EYA4: variants seen among roughly 807,000 people sequenced by gnomAD.
The protein encoded by EYA4 is protein phosphatase EYA4.
Under a neutral mutation model 87.9 loss-of-function variants are expected in EYA4, and 31 were observed. That is an observed-to-expected ratio of 0.35 (90% CI 0.27 to 0.48). The LOEUF (loss-of-function observed/expected upper bound fraction) is 0.48, where lower values mean the gene tolerates loss of function less well. Ranked by LOEUF, EYA4 falls within the 20% of genes least tolerant of loss-of-function variation. EYA4 has a pLI of 0.99. For synonymous variants in EYA4, 263 were observed against 270.6 expected, an observed-to-expected ratio of 0.97 and a Z score of 0.28; for missense variants, 678 against 761.4, an observed-to-expected ratio of 0.89 and a Z score of 1.29.
At chr6:133,390,708 C>T (rs1787186190) in intron 3 of EYA4, among the ~76,000 whole-genome samples, 1 of 152,202 alleles carries the variant, frequency 6.6e-6, no homozygotes, top group African/African-American at 2.4e-5. Flanking sequence ...CTACATGTAT[C>T]ATAGAGTAAA....
At position 133,512,723 on chromosome 6, in the gene EYA4, G is replaced by C. The variant is rs773085937; in HGVS notation, c.1284G>C (p.Glu428Asp). 1 of 1,609,810 alleles carries C rather than the reference G, an allele frequency of 6.2e-7. No individual in the cohort carries two copies. Among genetic ancestry groups the C allele is most frequent in the Non-Finnish European group, 8.5e-7 (1 of 1,176,088 alleles). ...AACTTTTCCAATGTTTTTAACAGGA[G>C]TGTGATCAAGTTCATATAGATGATG... is the stretch of plus-strand genomic sequence containing the variant. ...DTHLFFNDLE[E>D]CDQVHIDDVS... The change falls in exon 15 of 20, where the codon GAG becomes GAC. Residue 428 changes from glutamate to aspartate, a missense_variant and splice_region_variant. Glu to Asp is a conservative substitution (Grantham distance 45, BLOSUM62 2). Coordinates refer to ENST00000355286, the MANE Select transcript of EYA4 (RefSeq NM_004100.5).
chr6:133,384,051 A>T (rs535214123), intron 3 of EYA4, among the ~76,000 whole-genome samples: 112 of 152,348 alleles, frequency 7.4e-4, no homozygotes, highest in African/African-American at 2.6e-3. Flanking sequence ...AATCATCCTT[A>T]TTATTAATAT....
At chr6:133,369,361 C>T (rs1401225140) in intron 2 of EYA4, among the ~76,000 whole-genome samples, 1 of 151,624 alleles carries the variant, frequency 6.6e-6, no homozygotes, top group Admixed American at 6.6e-5. Context: ...TTAATATATC[C>T]CTCTCTTTCG....
intron 1 of EYA4, among the ~76,000 whole-genome samples, chr6:133,252,045 G>A (rs1184637070): frequency 1.3e-5 from 2 of 152,188 alleles, no homozygotes; most frequent in East Asian, 1.9e-4. Context: ...ATATGAGTGG[G>A]AGTAACAGAA....
chr6:133,455,275 C>G (rs760824726), intron 5 of EYA4, among the ~76,000 whole-genome samples: 8 of 152,130 alleles, frequency 5.3e-5, no homozygotes, highest in Non-Finnish European at 1.5e-5. Flanking sequence ...AATAATTAGA[C>G]TACTCTTCAG....
At chr6:133,396,749 A>G (rs1285695021) in intron 3 of EYA4, among the ~76,000 whole-genome samples, 1 of 152,114 alleles carries the variant, frequency 6.6e-6, no homozygotes, top group Non-Finnish European at 1.5e-5. Flanking sequence ...TGCATGCAAC[A>G]TGACTGGAAG....
intron 3 of EYA4, among the ~76,000 whole-genome samples, chr6:133,426,907 T>C (rs1562406903): frequency 1.3e-5 from 2 of 152,352 alleles, no homozygotes; most frequent in South Asian, 2.1e-4. Context: ...TTCTGAACTA[T>C]AGCAATTTGC....
chr6:133,431,916 C>G (rs1022331561), intron 3 of EYA4, among the ~76,000 whole-genome samples: 17 of 150,440 alleles, frequency 1.1e-4, no homozygotes, highest in African/African-American at 4.2e-4. Context: ...GTAAAGATAA[C>G]ACATGAGCCC....
intron 7 of EYA4, 34 bp from the exon 8 acceptor site, chr6:133,462,301 G>T (rs779918354): frequency 1.4e-5 from 23 of 1,612,350 alleles, no homozygotes; most frequent in African/African-American, 4.0e-5. Context: ...CACAGTCTTT[G>T]TTGCCACAGT....
Position 133,506,199 on chromosome 6 carries a change from A to C in EYA4, c.1281+4A>C, listed in dbSNP as rs1798604893. On this transcript the variant is annotated splice_donor_region_variant and intron_variant, in intron 14 of 19. Coordinates refer to ENST00000355286, the MANE Select transcript of EYA4 (RefSeq NM_004100.5). Reference sequence around the variant, plus strand: ...TTTGTTTTTTAATGATTTAGAGGTAAGAATTTTACAAGGTACAAATAGTTG... The same window carrying C: ...TTTGTTTTTTAATGATTTAGAGGTACGAATTTTACAAGGTACAAATAGTTG... 1 of 1,520,904 alleles carries C rather than the reference A, an allele frequency of 6.6e-7. No individual in the cohort carries two copies. Among genetic ancestry groups the C allele is most frequent in the African/African-American group, 1.4e-5 (1 of 73,178 alleles). The allele number at this position is 1,520,904 out of a possible 1,614,324, so 94.2% of individuals were successfully genotyped here. A position where few individuals can be genotyped will look rare whatever the true frequency, so the allele number is the denominator to read the frequency against.
At position 133,274,716 on chromosome 6, in the gene EYA4, A is replaced by G; in HGVS notation, c.-65A>G. 8 of 1,319,578 alleles carry G rather than the reference A, an allele frequency of 6.1e-6. No individual in the cohort carries two copies. The highest frequency in any genetic ancestry group is 1.4e-5 in the African/African-American group (1 of 69,194). The allele number at this position is 1,319,578 out of a possible 1,614,324, so 81.7% of individuals were successfully genotyped here. On this transcript the variant is annotated splice_region_variant and 5_prime_UTR_variant, in exon 2 of 20. Transcript: ENST00000355286. Reference sequence around the variant, plus strand: ...CTTTGTTTCCATCTTCTTGTTTTAGATAGTCATTTTTACTTGAAGGAAGCT... The same window carrying G: ...CTTTGTTTCCATCTTCTTGTTTTAGGTAGTCATTTTTACTTGAAGGAAGCT...
intron 2 of EYA4, among the ~76,000 whole-genome samples, chr6:133,381,150 A>G (rs933612678): frequency 8.1e-5 from 12 of 147,824 alleles, no homozygotes; most frequent in Non-Finnish European, 1.8e-4. Context: ...ACATTACATA[A>G]TAAAACAGGA....
At chr6:133,293,489 G>A (rs1349638830) in intron 2 of EYA4, among the ~76,000 whole-genome samples, 1 of 152,182 alleles carries the variant, frequency 6.6e-6, no homozygotes, top group East Asian at 1.9e-4. Context: ...AGGCAACATA[G>A]TATTTTAGGA....
chr6:133,409,780 A>G (rs943328767), intron 3 of EYA4, among the ~76,000 whole-genome samples: 4 of 152,192 alleles, frequency 2.6e-5, no homozygotes, highest in Admixed American at 2.0e-4. Context: ...TGTGAAGATT[A>G]TAGTCAATAA....
At chr6:133,376,534 C>T (rs572774583) in intron 2 of EYA4, among the ~76,000 whole-genome samples, 2 of 151,950 alleles carry the variant, frequency 1.3e-5, no homozygotes, top group South Asian at 4.1e-4. Flanking sequence ...GTAATCAGAA[C>T]TATTCACTAG....
chr6:133,515,200 C>A, intron 16 of EYA4, 121 bp from the exon 17 acceptor site: 1 of 721,576 alleles, frequency 1.4e-6, no homozygotes, highest in Non-Finnish European at 2.6e-6. Flanking sequence ...ATCTGTATCT[C>A]TCTGCATTTC....
rs397516879 is a variant in EYA4, at chr6:133,464,798, A to G, written c.744A>G (p.Ser248=). ...YQMPGSSFAP[S]STIYANNSVS... is the part of the protein sequence containing the mutation. Reference sequence around the variant, plus strand: ...CTCTAGGTTCTAGTTTTGCACCATCATCTACTATTTATGCAAATAATTCAG... The same window carrying G: ...CTCTAGGTTCTAGTTTTGCACCATCGTCTACTATTTATGCAAATAATTCAG... Residue 248 remains serine, a synonymous_variant, in exon 10 of 20, where the codon TCA becomes TCG. Coordinates refer to ENST00000355286, the MANE Select transcript of EYA4 (RefSeq NM_004100.5). The G allele has an allele frequency of 5.6e-6, 9 of 1,608,826 alleles. No homozygotes were observed. The highest frequency in any genetic ancestry group is 6.8e-6 in the Non-Finnish European group (8 of 1,175,938).
intron 2 of EYA4, among the ~76,000 whole-genome samples, chr6:133,314,330 T>A (rs1328014873): frequency 6.6e-6 from 1 of 152,200 alleles, no homozygotes; most frequent in Non-Finnish European, 1.5e-5. Context: ...ACATTGTTAA[T>A]TTTCATTTAT....
At chr6:133,448,953 C>T (rs1793135066) in intron 5 of EYA4, among the ~76,000 whole-genome samples, 1 of 152,182 alleles carries the variant, frequency 6.6e-6, no homozygotes, top group Non-Finnish European at 1.5e-5. Flanking sequence ...TTGCCTGGAC[C>T]TTGCTCTATC....
Sources: allele counts gnomAD v4.1 joint callset (sites outside exome capture counted in the v4.1 genomes callset), GRCh38; gene constraint gnomAD v4.1.1; transcripts MANE v1.5; gene names NCBI Gene and HGNC (gene_info 2026-07-23, HGNC 2026-07-21).